The following ARHGAP15 variants were observed in gnomAD, a reference collection of about 807,000 sequenced individuals.
ARHGAP15 encodes Rho GTPase activating protein 15.
A neutral mutation model predicts 63.7 loss-of-function variants in ARHGAP15; 51 were observed. That is an observed-to-expected ratio of 0.80 (90% CI 0.64 to 1.01). ARHGAP15 has a LOEUF of 1.01. Among genes scored for constraint, ARHGAP15 ranks in the 50% least tolerant of loss-of-function variants. The probability of loss-of-function intolerance (pLI) is 0.00; values close to 1 mark genes in which losing one functional copy is unlikely to be tolerated. For missense variants in ARHGAP15, 560 were observed against 564.6 expected, an observed-to-expected ratio of 0.99 and a Z score of 0.08; for synonymous variants, 191 against 193.8, an observed-to-expected ratio of 0.99 and a Z score of 0.12.
At chr2:143,350,097 G>A (rs1685487508) in intron 6 of ARHGAP15, among the ~76,000 whole-genome samples, 1 of 152,000 alleles carries the variant, frequency 6.6e-6, no homozygotes, top group Non-Finnish European at 1.5e-5. Context: ...CCCTAAAAAT[G>A]GAGAGAGTAT....
At chr2:143,507,356 A>G (rs1278775623) in intron 9 of ARHGAP15, among the ~76,000 whole-genome samples, 1 of 152,174 alleles carries the variant, frequency 6.6e-6, no homozygotes, top group Non-Finnish European at 1.5e-5. Context: ...AAGGAAATGA[A>G]GCTGGACATG....
At chr2:143,595,348 G>A (rs927691235) in intron 11 of ARHGAP15, among the ~76,000 whole-genome samples, 7 of 152,040 alleles carry the variant, frequency 4.6e-5, no homozygotes, top group African/African-American at 1.4e-4. Flanking sequence ...AGCAATGGTT[G>A]ACTGGATCCA....
chr2:143,432,640 T>G (rs1396085577), intron 6 of ARHGAP15, among the ~76,000 whole-genome samples: 1 of 152,024 alleles, frequency 6.6e-6, no homozygotes, highest in Admixed American at 6.6e-5. Flanking sequence ...TGGACACGCT[T>G]CTATAATTTC....
intron 11 of ARHGAP15, among the ~76,000 whole-genome samples, chr2:143,602,492 T>G (rs1697814244): frequency 6.6e-6 from 1 of 152,144 alleles, no homozygotes; most frequent in Non-Finnish European, 1.5e-5. Flanking sequence ...TGTTTTTGTT[T>G]GTTTGCTTGT....
chr2:143,586,911 CTCTT>C (rs1224626223), intron 11 of ARHGAP15, among the ~76,000 whole-genome samples: 2 of 152,020 alleles, frequency 1.3e-5, no homozygotes, highest in African/African-American at 4.8e-5. Flanking sequence ...CTCTCTCTCT[CTCTT>C]TCTCTCCTCC....
chr2:143,377,959 A>T (rs1468632229), intron 6 of ARHGAP15, among the ~76,000 whole-genome samples: 3 of 152,098 alleles, frequency 2.0e-5, no homozygotes, highest in Non-Finnish European at 4.4e-5. Flanking sequence ...CCAGTTAAAC[A>T]TTAATAATTA....
chr2:143,260,462 A>G (rs1680663769), intron 6 of ARHGAP15, among the ~76,000 whole-genome samples: 1 of 152,160 alleles, frequency 6.6e-6, no homozygotes, highest in African/African-American at 2.4e-5. Flanking sequence ...CCCAGGAGGA[A>G]AGCTGAAGTT....
At chr2:143,739,254 C>G in intron 13 of ARHGAP15, among the ~76,000 whole-genome samples, 1 of 152,246 alleles carries the variant, frequency 6.6e-6, no homozygotes, top group East Asian at 1.9e-4. Context: ...GCAAAAACAA[C>G]AAGAGGGAAT....
chr2:143,268,737 T>G (rs1024190311), intron 6 of ARHGAP15, among the ~76,000 whole-genome samples: 1 of 152,104 alleles, frequency 6.6e-6, no homozygotes, highest in Admixed American at 6.5e-5. Flanking sequence ...GACAACCAAG[T>G]TGGTTAAAAG....
intron 6 of ARHGAP15, among the ~76,000 whole-genome samples, chr2:143,326,220 C>T (rs774579389): frequency 5.3e-5 from 8 of 152,106 alleles, no homozygotes; most frequent in Non-Finnish European, 1.0e-4. Context: ...ATTTTCAAAG[C>T]CCTTTTCTCA....
In ARHGAP15 at chr2:143,330,116, AAAAAAAAAAAAAAAACC is replaced by A. The variant is rs1558897831; in HGVS notation, c.474+79522_474+79538del. Among the ~76,000 whole-genome samples the A allele has an allele frequency of 2.8e-4, 24 of 86,878 alleles. 1 individual carries two copies. Among genetic ancestry groups the A allele is most frequent in the East Asian group, 2.6e-3 (8 of 3,092 alleles). The allele number at this position is 86,878 out of a possible 152,430, so 57.0% of individuals were successfully genotyped here. On this transcript the variant is annotated intron_variant, in intron 6 of 13. Coordinates refer to ENST00000295095, the MANE Select transcript of ARHGAP15 (RefSeq NM_018460.4). Reference sequence around the variant, plus strand: ...TCTCAAAAAAAAAAAAAAAAAAAAAAAAAAAAAAAAAAAAACCAAAAACAAAAAACTAAACTAATGAT... The same window carrying A: ...TCTCAAAAAAAAAAAAAAAAAAAAAAAAAAACAAAAAACTAAACTAATGAT...
At chr2:143,347,581 G>T (rs1685351789) in intron 6 of ARHGAP15, among the ~76,000 whole-genome samples, 1 of 152,112 alleles carries the variant, frequency 6.6e-6, no homozygotes, top group South Asian at 2.1e-4. Context: ...TTGAGCCTGT[G>T]CCTAAATGCT....
At chr2:143,670,852 G>A (rs1239195826) in intron 12 of ARHGAP15, among the ~76,000 whole-genome samples, 1 of 152,116 alleles carries the variant, frequency 6.6e-6, no homozygotes, top group East Asian at 1.9e-4. Flanking sequence ...TTCCAAACAT[G>A]AACACTTTAT....
intron 10 of ARHGAP15, among the ~76,000 whole-genome samples, chr2:143,530,475 C>T (rs1170683640): frequency 6.6e-6 from 1 of 152,132 alleles, no homozygotes; most frequent in African/African-American, 2.4e-5. Context: ...TAACTAAAGC[C>T]AAATTTGATG....
At chr2:143,456,487 C>T (rs571112737) in intron 8 of ARHGAP15, among the ~76,000 whole-genome samples, 156 of 151,996 alleles carry the variant, frequency 1.0e-3, no homozygotes, top group Non-Finnish European at 2.1e-3. Context: ...AAAGTGAAAG[C>T]ATTTCCCTTC....
chr2:143,560,549 A>G (rs1215986939), intron 11 of ARHGAP15, among the ~76,000 whole-genome samples: 1 of 152,170 alleles, frequency 6.6e-6, no homozygotes, highest in Non-Finnish European at 1.5e-5. Context: ...TGCATTTCCA[A>G]TTCATCAGCT....
At chr2:143,252,269 T>A (rs913806143) in intron 6 of ARHGAP15, among the ~76,000 whole-genome samples, 2 of 152,056 alleles carry the variant, frequency 1.3e-5, no homozygotes, top group Non-Finnish European at 2.9e-5. Context: ...TATTTTTATA[T>A]AACTATGAAC....
At chr2:143,599,010 C>T (rs1013996353) in intron 11 of ARHGAP15, among the ~76,000 whole-genome samples, 1 of 151,416 alleles carries the variant, frequency 6.6e-6, no homozygotes, top group African/African-American at 2.4e-5. Context: ...GAGACAAAAA[C>T]TCTGAGAAAT....
chr2:143,703,313 T>G (rs1684173995), intron 12 of ARHGAP15, 106 bp from the exon 13 acceptor site: 1 of 699,082 alleles, frequency 1.4e-6, no homozygotes, highest in African/African-American at 1.8e-5. Flanking sequence ...CTAGGACTCT[T>G]AGTTGCTAGT....
Sources: gnomAD v4.1 joint callset for allele counts (sites outside exome capture counted in the v4.1 genomes callset) on GRCh38, gnomAD v4.1.1 for gene constraint, MANE v1.5 for transcripts, NCBI Gene and HGNC (gene_info 2026-07-23, HGNC 2026-07-21) for gene names.